The following FAF1 variants were observed in gnomAD, a reference collection of about 807,000 sequenced individuals.
FAF1 encodes FAS-associated factor 1.
Under a neutral mutation model 92.5 loss-of-function variants are expected in FAF1, and 25 were observed. That is an observed-to-expected ratio of 0.27 (90% CI 0.20 to 0.38). The LOEUF (loss-of-function observed/expected upper bound fraction) is 0.38. Ranked by LOEUF, FAF1 falls within the 10% of genes least tolerant of loss-of-function variation. The pLI, the probability that FAF1 is intolerant of heterozygous loss-of-function variation, is 1.00. For synonymous variants in FAF1, 234 were observed against 273.2 expected, an observed-to-expected ratio of 0.86 and a Z score of 1.42; for missense variants, 636 against 793.3, an observed-to-expected ratio of 0.80 and a Z score of 2.38.
chr1:50,856,951 T>C (rs1038836872), intron 2 of FAF1, among the ~76,000 whole-genome samples: 1 of 151,824 alleles, frequency 6.6e-6, no homozygotes, highest in Admixed American at 6.6e-5. Context: ...CTCAGTTGTC[T>C]ATTTTTTAAA....
intron 8 of FAF1, among the ~76,000 whole-genome samples, chr1:50,598,485 A>T (rs1409046628): frequency 6.8e-6 from 1 of 147,128 alleles, no homozygotes; most frequent in Non-Finnish European, 1.5e-5. Flanking sequence ...AAAAAAAAAA[A>T]GGCTAAGTTT....
At chr1:50,488,544 A>G (rs1421928483) in intron 17 of FAF1, among the ~76,000 whole-genome samples, 1 of 152,196 alleles carries the variant, frequency 6.6e-6, no homozygotes, top group Non-Finnish European at 1.5e-5. Context: ...ATCCTAAACT[A>G]TATTTCTTGA....
chr1:50,942,792 C>T (rs1645144016), intron 1 of FAF1, among the ~76,000 whole-genome samples: 2 of 151,506 alleles, frequency 1.3e-5, no homozygotes, highest in Admixed American at 6.6e-5. Context: ...ACACCAATTC[C>T]CAAGGCCAAT....
At chr1:50,443,835 C>A (rs1003512293) in intron 18 of FAF1, among the ~76,000 whole-genome samples, 1 of 152,128 alleles carries the variant, frequency 6.6e-6, no homozygotes, top group Non-Finnish European at 1.5e-5. Flanking sequence ...AGCTCTTTCA[C>A]CAAAACCTCC....
At chr1:50,650,284 C>CAAAAAAAAAAAAAAAAAAAAAGAAAA in intron 8 of FAF1, among the ~76,000 whole-genome samples, 1 of 84,254 alleles carries the variant, frequency 1.2e-5, no homozygotes, top group Non-Finnish European at 2.3e-5. Flanking sequence ...AACTCTGTCT[C>CAAAAAAAAAAAAAAAAAAAAAGAAAA]AAAAAAAAAA....
chr1:50,561,876 AG>A (rs879406306), intron 13 of FAF1, among the ~76,000 whole-genome samples: 3,895 of 151,700 alleles, frequency 0.026, 169 homozygotes, highest in African/African-American at 0.087. Context: ...GAAGGAAGGA[AG>A]GAAGGAAGGA....
chr1:50,571,665 C>A (rs1333429928), intron 12 of FAF1, among the ~76,000 whole-genome samples: 3 of 152,182 alleles, frequency 2.0e-5, no homozygotes, highest in Non-Finnish European at 4.4e-5. Context: ...CCTCACTAAT[C>A]TTCACATTCA....
chr1:50,769,069 G>C (rs1660684544), intron 4 of FAF1, among the ~76,000 whole-genome samples: 2 of 151,376 alleles, frequency 1.3e-5, no homozygotes, highest in African/African-American at 2.4e-5. Context: ...GAGAGAAAGA[G>C]AGAGAGATAG....
intron 9 of FAF1, among the ~76,000 whole-genome samples, chr1:50,595,510 T>A (rs1651755722): frequency 6.6e-6 from 1 of 152,074 alleles, no homozygotes; most frequent in Admixed American, 6.6e-5. Context: ...TCCTAATGAA[T>A]CTACTCAACT....
rs74082541 is a variant in FAF1, at chr1:50,501,104, A to C, written c.1495-9303T>G. Among the ~76,000 whole-genome samples, 1,392 of 152,332 alleles carry C rather than the reference A, an allele frequency of 9.1e-3. 19 individuals carry two copies. The highest frequency in any genetic ancestry group is 0.032 in the African/African-American group (1,340 of 41,580). On this transcript the variant is annotated intron_variant, in intron 15 of 18. Coordinates refer to ENST00000396153, the MANE Select transcript of FAF1 (RefSeq NM_007051.3). Reference sequence around the variant, plus strand: ...TTATGAAAAAGAAAGTCATAGTGACAAAACCATAGACTGAGAGAAAAATCT... The same window carrying C: ...TTATGAAAAAGAAAGTCATAGTGACCAAACCATAGACTGAGAGAAAAATCT...
intron 8 of FAF1, among the ~76,000 whole-genome samples, chr1:50,601,065 A>G (rs1652099777): frequency 6.6e-6 from 1 of 152,196 alleles, no homozygotes. Flanking sequence ...TATGCAACTA[A>G]TTTTCATGAA....
At chr1:50,472,366 CAT>C (rs1236638883) in intron 18 of FAF1, among the ~76,000 whole-genome samples, 23 of 94,734 alleles carry the variant, frequency 2.4e-4, no homozygotes, top group East Asian at 8.1e-4. Flanking sequence ...TTGGGGAAAA[CAT>C]ACACACACAC....
chr1:50,539,305 T>A (rs1305705216), intron 14 of FAF1, among the ~76,000 whole-genome samples: 1 of 152,256 alleles, frequency 6.6e-6, no homozygotes, highest in African/African-American at 2.4e-5. Flanking sequence ...ACTTGACAAC[T>A]GATTATGTCC....
intron 4 of FAF1, among the ~76,000 whole-genome samples, chr1:50,745,994 G>A (rs756324469): frequency 2.0e-5 from 3 of 151,916 alleles, no homozygotes; most frequent in Non-Finnish European, 2.9e-5. Context: ...ATGAAGTCCA[G>A]GCTGAGGAGA....
chr1:50,488,090 A>G (rs1208821528), intron 17 of FAF1, among the ~76,000 whole-genome samples: 1 of 152,216 alleles, frequency 6.6e-6, no homozygotes, highest in Non-Finnish European at 1.5e-5. Context: ...GGTGGGATTT[A>G]TAAGAGCCTT....
At chr1:50,752,452 A>T (rs761942475) in intron 4 of FAF1, among the ~76,000 whole-genome samples, 11 of 152,146 alleles carry the variant, frequency 7.2e-5, no homozygotes, top group Non-Finnish European at 1.2e-4. Flanking sequence ...TAGTCCATGT[A>T]ATGTACGTAG....
chr1:50,753,020 G>T (rs1659930312), intron 4 of FAF1, among the ~76,000 whole-genome samples: 1 of 152,110 alleles, frequency 6.6e-6, no homozygotes, highest in South Asian at 2.1e-4. Flanking sequence ...GCTTCATTAA[G>T]ATGTGTTTAA....
At chr1:50,610,224 T>G (rs761948673) in intron 8 of FAF1, among the ~76,000 whole-genome samples, 1 of 152,318 alleles carries the variant, frequency 6.6e-6, no homozygotes, top group South Asian at 2.1e-4. Flanking sequence ...TCATATATGA[T>G]CCATATGATG....
chr1:50,695,057 T>C (rs368741993), intron 7 of FAF1, among the ~76,000 whole-genome samples: 1 of 152,296 alleles, frequency 6.6e-6, no homozygotes, highest in South Asian at 2.1e-4. Flanking sequence ...AACAAAATTT[T>C]CTATTCATCT....
Sources: gnomAD v4.1 joint callset for allele counts (sites outside exome capture counted in the v4.1 genomes callset) on GRCh38, gnomAD v4.1.1 for gene constraint, MANE v1.5 for transcripts, NCBI Gene and HGNC (gene_info 2026-07-23, HGNC 2026-07-21) for gene names.